Variants in APOLD1 observed in about 807,000 individuals in gnomAD.
APOLD1 encodes the protein apolipoprotein L domain containing 1, also known as apolipoprotein L domain-containing protein 1.
Under a neutral mutation model 15.3 loss-of-function variants are expected in APOLD1, and 22 were observed. The ratio of observed to expected loss-of-function variants is 1.44; its 90% CI spans 1.03 to 2.05. APOLD1 has a LOEUF of 2.05. Among genes scored for constraint, APOLD1 ranks in the 30% most tolerant of loss-of-function variants. The probability of loss-of-function intolerance (pLI) is 0.00; values close to 1 mark genes in which losing one functional copy is unlikely to be tolerated. For synonymous variants in APOLD1, 190 were observed against 167.4 expected (o/e 1.13, Z -1.04); for missense variants, 394 against 353.5 (o/e 1.11, Z -0.92).
rs186172817 is a variant in APOLD1, at chr12:12,760,320, G to A, written c.97-26589G>A. Among the ~76,000 whole-genome samples the A allele has an allele frequency of 3.4e-5, 5 of 148,138 alleles. No homozygotes were observed. The East Asian group carries it at 8.1e-4, about 24-fold the overall frequency. ...CAGCCTGGGTGACACAGTGAGACCC[G>A]GTCTCACAACAAACAAACAAACAAA... is the stretch of plus-strand genomic sequence containing the variant. On this transcript the variant is annotated intron_variant, in intron 1 of 1. Coordinates refer to the APOLD1 transcript ENST00000326765.
intron 1 of APOLD1, among the ~76,000 whole-genome samples, chr12:12,727,391 G>T (rs1267544476): frequency 6.6e-6 from 1 of 151,986 alleles, no homozygotes; most frequent in African/African-American, 2.4e-5. Flanking sequence ...GGAGTTACTA[G>T]ACAATTTACA....
chr12:12,742,981 G>T (rs1946739605), intron 1 of APOLD1, among the ~76,000 whole-genome samples: 1 of 152,192 alleles, frequency 6.6e-6, no homozygotes, highest in Non-Finnish European at 1.5e-5. Flanking sequence ...CAAACTCTTG[G>T]GCTCAAGTGA....
intron 1 of APOLD1, among the ~76,000 whole-genome samples, chr12:12,776,821 A>G (rs1460299216): frequency 1.3e-5 from 2 of 152,242 alleles, no homozygotes; most frequent in East Asian, 3.8e-4. Context: ...ATCATATTAT[A>G]TTGAATTAAA....
chr12:12,781,213 C>T (rs1403322377), upstream of APOLD1, among the ~76,000 whole-genome samples: 8 of 152,028 alleles, frequency 5.3e-5, no homozygotes, highest in Non-Finnish European at 8.8e-5. Context: ...GAGGCCGAGG[C>T]GTGTGGATCA....
chr12:12,780,841 A>C (rs1947074677), upstream of APOLD1, among the ~76,000 whole-genome samples: 1 of 149,718 alleles, frequency 6.7e-6, no homozygotes, highest in South Asian at 2.1e-4. Context: ...CTTCCACCTC[A>C]GCCTCCCAAA....
At chr12:12,768,781 G>T (rs1323792790) in intron 1 of APOLD1, among the ~76,000 whole-genome samples, 1 of 150,804 alleles carries the variant, frequency 6.6e-6, no homozygotes, top group African/African-American at 2.4e-5. Context: ...CTAACTTATA[G>T]AAAATGCCTC....
In APOLD1 at chr12:12,789,014, C is replaced by G. The variant is rs1338323681; in HGVS notation, c.*1362C>G. Reference sequence around the variant, plus strand: ...TTCCCGCCTGTTGTAGAAACTGGTACAGAAAGGAATATGAAGTTCCTGAAA... The same window carrying G: ...TTCCCGCCTGTTGTAGAAACTGGTAGAGAAAGGAATATGAAGTTCCTGAAA... On this transcript the variant is annotated 3_prime_UTR_variant, in exon 2 of 2. Transcript: ENST00000356591. The G allele has an allele frequency of 7.0e-6, 1 of 142,792 alleles. No individual in the cohort carries two copies. The highest frequency in any genetic ancestry group is 1.6e-5 in the Non-Finnish European group (1 of 63,260). 8.8% of individuals were successfully genotyped at this position (142,792 alleles called of 1,614,324 possible). A position where few individuals can be genotyped will look rare whatever the true frequency, so the allele number is the denominator to read the frequency against.
upstream of APOLD1, among the ~76,000 whole-genome samples, chr12:12,782,990 G>A (rs1204012877): frequency 2.0e-5 from 3 of 152,060 alleles, no homozygotes; most frequent in East Asian, 5.8e-4. Context: ...TGGATCACCC[G>A]GGGTCAGGAG....
intron 1 of APOLD1, among the ~76,000 whole-genome samples, chr12:12,745,673 CAGTACACGTTGAATTTGTGGTA>C (rs1312842021): frequency 1.4e-4 from 22 of 152,032 alleles, no homozygotes; most frequent in Non-Finnish European, 4.4e-5. Flanking sequence ...TCTAAGCATC[CAGTACACGTTGAATTTGTGGTA>C]GATTAGGTGT....
intron 1 of APOLD1, among the ~76,000 whole-genome samples, chr12:12,772,615 C>T (rs141719296): frequency 1.3e-5 from 2 of 152,348 alleles, no homozygotes; most frequent in East Asian, 3.9e-4. Context: ...TTGAACTCAA[C>T]ACCACCATCA....
At chr12:12,776,283 T>C (rs955176793) in intron 1 of APOLD1, among the ~76,000 whole-genome samples, 1 of 152,234 alleles carries the variant, frequency 6.6e-6, no homozygotes, top group African/African-American at 2.4e-5. Context: ...AGATTTATGA[T>C]GCCTCTGTAG....
chr12:12,781,580 T>A (rs1018370600), upstream of APOLD1, among the ~76,000 whole-genome samples: 1 of 147,346 alleles, frequency 6.8e-6, no homozygotes, highest in Non-Finnish European at 1.5e-5. Flanking sequence ...CAGGCTGGAG[T>A]GCAGTGGCAT....
At chr12:12,771,791 T>C (rs1946989596) in intron 1 of APOLD1, 1 of 210,730 alleles carries the variant, frequency 4.7e-6, no homozygotes, top group Non-Finnish European at 9.6e-6. Flanking sequence ...TGTATATTTA[T>C]GTATAAGTGA....
intron 1 of APOLD1, among the ~76,000 whole-genome samples, chr12:12,726,869 G>A (rs568144524): frequency 6.6e-6 from 1 of 152,234 alleles, no homozygotes; most frequent in East Asian, 1.9e-4. Context: ...ACCTAACCAG[G>A]GTGGACACTA....
chr12:12,777,281 T>C (rs1947043749), intron 1 of APOLD1, among the ~76,000 whole-genome samples: 1 of 152,160 alleles, frequency 6.6e-6, no homozygotes, highest in South Asian at 2.1e-4. Flanking sequence ...GCCAACCCAG[T>C]GGTCACTCCT....
At position 12,789,487 on chromosome 12, in the gene APOLD1, G is replaced by T. The variant is rs1409618933; in HGVS notation, c.*1835G>T. 6.6e-6 allele frequency: 1 copy of T among 152,196 alleles called. No homozygotes were observed. The highest frequency in any genetic ancestry group is 2.4e-5 in the African/African-American group (1 of 41,456). The allele number at this position is 152,196 out of a possible 1,614,324, so 9.4% of individuals were successfully genotyped here. A position where few individuals can be genotyped will look rare whatever the true frequency, so the allele number is the denominator to read the frequency against. Reference sequence around the variant, plus strand: ...GAAGGTATCACTTGACCTGGAAAAGGAATCTATTTAGTTCAGGAAAGATAA... The same window carrying T: ...GAAGGTATCACTTGACCTGGAAAAGTAATCTATTTAGTTCAGGAAAGATAA... On this transcript the variant is annotated 3_prime_UTR_variant, in exon 2 of 2. Transcript: ENST00000356591.
chr12:12,733,122 T>C (rs1946655188), intron 1 of APOLD1, among the ~76,000 whole-genome samples: 1 of 149,092 alleles, frequency 6.7e-6, no homozygotes, highest in African/African-American at 2.5e-5. Context: ...GAGACCAGCC[T>C]GGGCAACGTG....
chr12:12,732,640 G>T (rs778710833), intron 1 of APOLD1, among the ~76,000 whole-genome samples: 2 of 150,522 alleles, frequency 1.3e-5, no homozygotes, highest in Non-Finnish European at 2.9e-5. Context: ...CAGGAGAATC[G>T]CTTAAACCTG....
At position 12,787,453 on chromosome 12, in the gene APOLD1, G is replaced by T; in HGVS notation, c.548G>T (p.Arg183Leu). 1.9e-6 allele frequency: 3 copies of T among 1,614,160 alleles called. No individual in the cohort carries two copies. The highest frequency in any genetic ancestry group is 2.5e-6 in the Non-Finnish European group (3 of 1,180,028). ...TCACGTGGCTTCCTCATCCCCAGGC[G>T]GGCGGAGGGGGACACCAAGGTTAGC... ...FGSRGFLIPRRAEGDTKVSQA... is the reference protein window; with the variant it reads ...FGSRGFLIPRLAEGDTKVSQA... The change falls in exon 2 of 2, where the codon CGG becomes CTG. Residue 183 changes from arginine (R) to leucine (L), a missense_variant. Arg to Leu is a moderately radical substitution (Grantham distance 102). Coordinates refer to ENST00000356591, the MANE Select transcript of APOLD1 (RefSeq NM_030817.3). This position sits in a 1 kb window ranked among gnomAD's most constrained non-coding sequence, Gnocchi z 4.9.
Sources: gnomAD v4.1 joint callset for allele counts (sites outside exome capture counted in the v4.1 genomes callset) on GRCh38, gnomAD v4.1.1 for gene constraint, Gnocchi (gnomAD v3.1) non-coding constraint, MANE v1.5 for transcripts, NCBI Gene and HGNC (gene_info 2026-07-23, HGNC 2026-07-21) for gene names.